Variants in MIPOL1 observed in about 807,000 individuals in gnomAD.
MIPOL1 encodes mirror-image polydactyly gene 1 protein.
Under a neutral mutation model 60.9 loss-of-function variants are expected in MIPOL1, and 57 were observed. The observed-to-expected ratio is 0.94, with a 90% CI of 0.76 to 1.17. The LOEUF (loss-of-function observed/expected upper bound fraction) is 1.17, where lower values mean the gene tolerates loss of function less well. Ranked by LOEUF, MIPOL1 falls within the 50% of genes most tolerant of loss-of-function variation. The pLI is 0.00. For synonymous variants in MIPOL1, 179 were observed against 168.8 expected (o/e 1.06, Z -0.47); for missense variants, 551 against 511.6 (o/e 1.08, Z -0.74).
chr14:37,539,883 C>A (rs1029958063), intron 12 of MIPOL1, among the ~76,000 whole-genome samples: 5 of 152,186 alleles, frequency 3.3e-5, no homozygotes, highest in African/African-American at 1.2e-4. Flanking sequence ...CCATAATCCC[C>A]ATGTCTCATC....
At chr14:37,358,861 G>T (rs1567634580) in intron 9 of MIPOL1, among the ~76,000 whole-genome samples, 1 of 152,032 alleles carries the variant, frequency 6.6e-6, no homozygotes, top group African/African-American at 2.4e-5. Context: ...GTCAATTTTG[G>T]CTTTTGTTGC....
At chr14:37,458,625 C>G (rs2094503337) in intron 11 of MIPOL1, among the ~76,000 whole-genome samples, 1 of 151,874 alleles carries the variant, frequency 6.6e-6, no homozygotes, top group African/African-American at 2.4e-5. Context: ...TTGAGACCAG[C>G]CTGGCAAACA....
At chr14:37,246,699 A>T (rs903529173) in intron 1 of MIPOL1, among the ~76,000 whole-genome samples, 1 of 152,130 alleles carries the variant, frequency 6.6e-6, no homozygotes, top group Non-Finnish European at 1.5e-5. Context: ...GAGCTGAACT[A>T]TAATTGCTTG....
In MIPOL1 at chr14:37,355,980, G is replaced by A. The variant is rs1323222288; in HGVS notation, c.829-13537G>A. ...TGTGTTCCTTTGGAGGAGGAGAGGC[G>A]CTCTGCTTTTTAGAGTTTCCAGTTT... is the stretch of plus-strand genomic sequence containing the variant. On this transcript the variant is annotated intron_variant, in intron 9 of 12. Coordinates refer to ENST00000684589, the MANE Select transcript of MIPOL1 (RefSeq NM_001388067.1). Among the ~76,000 whole-genome samples the A allele has an allele frequency of 4.9e-5, 7 of 144,240 alleles. No homozygotes were observed. The East Asian group carries it at 6.2e-4, about 13-fold the overall frequency. 94.6% of individuals were successfully genotyped at this position (144,240 alleles called of 152,430 possible).
At chr14:37,304,187 C>G (rs1199111400) in intron 7 of MIPOL1, among the ~76,000 whole-genome samples, 1 of 151,636 alleles carries the variant, frequency 6.6e-6, no homozygotes, top group Non-Finnish European at 1.5e-5. Flanking sequence ...TTTTTGCTTC[C>G]TATAATCTTC....
chr14:37,221,980 A>AAAT (rs1968850450), intron 1 of MIPOL1, among the ~76,000 whole-genome samples: 4 of 151,438 alleles, frequency 2.6e-5, no homozygotes, highest in Non-Finnish European at 5.9e-5. Flanking sequence ...ATCAAATAGA[A>AAAT]AAATAAATAA....
intron 9 of MIPOL1, among the ~76,000 whole-genome samples, chr14:37,313,751 C>T (rs182651343): frequency 6.6e-6 from 1 of 152,142 alleles, no homozygotes; most frequent in Non-Finnish European, 1.5e-5. Context: ...TTGGCATCGA[C>T]TGATGAGAAT....
In MIPOL1 at chr14:37,428,661, C is replaced by CT. The variant is rs34932209; in HGVS notation, c.1031+5729dup. On this transcript the variant is annotated intron_variant, in intron 11 of 12. Transcript: ENST00000684589. The stretch of plus-strand genomic sequence containing the variant: ...AAAAAGTGGGTTTTTTTCCAAAAAT[C>CT]TTTTTTTTTTTTTTTTTCTGGTTTA... 6.7e-3 allele frequency among the ~76,000 whole-genome samples: 815 copies of CT among 122,246 alleles called. 8 individuals are homozygous for CT. Among genetic ancestry groups the CT allele is most frequent in the African/African-American group, 0.016 (504 of 32,210 alleles). The allele number at this position is 122,246 out of a possible 152,430, so 80.2% of individuals were successfully genotyped here.
intron 1 of MIPOL1, among the ~76,000 whole-genome samples, chr14:37,206,000 C>A (rs1037048987): frequency 2.6e-5 from 4 of 152,004 alleles, no homozygotes; most frequent in African/African-American, 9.7e-5. Flanking sequence ...GCAGCCTGAC[C>A]CTGCAATTGA....
intron 1 of MIPOL1, among the ~76,000 whole-genome samples, chr14:37,235,567 C>T (rs1386847792): frequency 5.3e-5 from 8 of 152,022 alleles, no homozygotes; most frequent in Non-Finnish European, 1.2e-4. Flanking sequence ...AGGATTCATT[C>T]TTGTTTGTGT....
At chr14:37,404,491 AG>A (rs2093552162) in intron 10 of MIPOL1, among the ~76,000 whole-genome samples, 1 of 152,218 alleles carries the variant, frequency 6.6e-6, no homozygotes, top group Non-Finnish European at 1.5e-5. Flanking sequence ...TGGAGAAGTA[AG>A]TTGGCAGTGA....
At chr14:37,422,045 A>G (rs989475716) in intron 10 of MIPOL1, among the ~76,000 whole-genome samples, 1 of 152,072 alleles carries the variant, frequency 6.6e-6, no homozygotes, top group Non-Finnish European at 1.5e-5. Flanking sequence ...TGAATAAACA[A>G]TACTAAAACC....
intron 11 of MIPOL1, among the ~76,000 whole-genome samples, chr14:37,453,316 A>G (rs2094442916): frequency 6.6e-6 from 1 of 152,136 alleles, no homozygotes; most frequent in Admixed American, 6.5e-5. Context: ...GGAGGCGCTT[A>G]GTGGTTTTTT....
chr14:37,495,192 CA>C (rs1184657213), intron 11 of MIPOL1, among the ~76,000 whole-genome samples: 2 of 147,958 alleles, frequency 1.4e-5, no homozygotes, highest in Non-Finnish European at 3.0e-5. Flanking sequence ...AGGTTAGTTA[CA>C]TATGTATACA....
chr14:37,275,803 A>G (rs1308378856), intron 6 of MIPOL1, among the ~76,000 whole-genome samples: 1 of 150,956 alleles, frequency 6.6e-6, no homozygotes, highest in Admixed American at 6.6e-5. Flanking sequence ...TATGTTAGTT[A>G]TTTTTCTTTC....
At chr14:37,343,819 T>C (rs1366971150) in intron 9 of MIPOL1, among the ~76,000 whole-genome samples, 1 of 152,212 alleles carries the variant, frequency 6.6e-6, no homozygotes. Context: ...TTCTAAAAAT[T>C]TGTCATGGAT....
At chr14:37,343,932 G>T (rs1407814407) in intron 9 of MIPOL1, among the ~76,000 whole-genome samples, 1 of 151,960 alleles carries the variant, frequency 6.6e-6, no homozygotes, top group African/African-American at 2.4e-5. Context: ...AATCCTTATG[G>T]TATTTTCAGC....
chr14:37,376,179 T>C (rs747587049), intron 10 of MIPOL1, among the ~76,000 whole-genome samples: 1 of 152,202 alleles, frequency 6.6e-6, no homozygotes, highest in Non-Finnish European at 1.5e-5. Flanking sequence ...TGAACCTACA[T>C]TGACACATCA....
At chr14:37,509,951 A>G (rs2095313512) in intron 12 of MIPOL1, among the ~76,000 whole-genome samples, 1 of 151,680 alleles carries the variant, frequency 6.6e-6, no homozygotes, top group Admixed American at 6.6e-5. Flanking sequence ...TTATAATTCA[A>G]CCTGAAAACT....
Sources: gnomAD v4.1 joint callset for allele counts (sites outside exome capture counted in the v4.1 genomes callset) on GRCh38, gnomAD v4.1.1 for gene constraint, MANE v1.5 for transcripts, NCBI Gene and HGNC (gene_info 2026-07-23, HGNC 2026-07-21) for gene names.